Variants in IFI44L observed in about 807,000 individuals in gnomAD.
The protein encoded by IFI44L is interferon induced protein 44 like.
Under a neutral mutation model 39.3 loss-of-function variants are expected in IFI44L, and 40 were observed. The ratio of observed to expected loss-of-function variants is 1.02; its 90% confidence interval spans 0.79 to 1.33. The LOEUF (loss-of-function observed/expected upper bound fraction) is 1.33. Among genes scored for constraint, IFI44L ranks in the 40% most tolerant of loss-of-function variants. The pLI is 0.00. For missense variants in IFI44L, 623 were observed against 549.0 expected (o/e 1.13, Z -1.35); for synonymous variants, 198 against 182.3 (o/e 1.09, Z -0.69).
At chr1:78,641,719 T>C in intron 8 of IFI44L, 56 bp from the exon 9 acceptor site, 3 of 1,610,628 alleles carry the variant, frequency 1.9e-6, no homozygotes, top group Non-Finnish European at 2.5e-6. Context: ...GCCCTAGTCC[T>C]GAAAGCTACA....
intron 6 of IFI44L, among the ~76,000 whole-genome samples, chr1:78,637,955 A>G (rs986364625): frequency 1.3e-5 from 2 of 152,138 alleles, no homozygotes; most frequent in Non-Finnish European, 2.9e-5. Context: ...ACATCTCCAG[A>G]AATGTAATGC....
In IFI44L at chr1:78,635,000, A is replaced by G. The variant is rs613159; in HGVS notation, c.724-337A>G. Among the ~76,000 whole-genome samples, 562 of 117,902 alleles carry G rather than the reference A, an allele frequency of 4.8e-3. 3 individuals carry two copies. The highest frequency in any genetic ancestry group is 0.022 in the South Asian group (73 of 3,298). 77.3% of individuals were successfully genotyped at this position (117,902 alleles called of 152,430 possible). A position where few individuals can be genotyped will look rare whatever the true frequency, so the allele number is the denominator to read the frequency against. On this transcript the variant is annotated intron_variant, in intron 4 of 8. Transcript: ENST00000370751. Reference sequence around the variant, plus strand: ...AAAACATACCATTATATATATATATATGTGTGTGTGTGTGTGTGTGTATGT... The same window carrying G: ...AAAACATACCATTATATATATATATGTGTGTGTGTGTGTGTGTGTGTATGT...
chr1:78,635,865 T>C lies in IFI44L; in HGVS notation c.876+376T>C. On this transcript the variant is annotated intron_variant, in intron 5 of 8. Transcript: ENST00000370751. ...TATTTTGTGTTGAAATGTCATTTTATACTGTAAATGCTTAGATTTCACCAC... is the reference window on the plus strand; with the variant it reads ...TATTTTGTGTTGAAATGTCATTTTACACTGTAAATGCTTAGATTTCACCAC... 2 of 210,920 alleles carry C rather than the reference T, an allele frequency of 9.5e-6. 1 individual carries two copies. Among genetic ancestry groups the C allele is most frequent in the South Asian group, 1.5e-4 (2 of 13,354 alleles). The allele number at this position is 210,920 out of a possible 1,614,324, so 13.1% of individuals were successfully genotyped here.
At chr1:78,636,226 T>C (rs540301211) in intron 5 of IFI44L, among the ~76,000 whole-genome samples, 10 of 152,196 alleles carry the variant, frequency 6.6e-5, no homozygotes, top group African/African-American at 2.4e-4. Context: ...ACCATATTTG[T>C]GCCAAACTCT....
At chr1:78,636,908 G>T in intron 5 of IFI44L, 124 bp from the exon 6 acceptor site, 1 of 679,972 alleles carries the variant, frequency 1.5e-6, no homozygotes, top group East Asian at 2.9e-5. Flanking sequence ...TACTGTTTGG[G>T]GAAAGAGTAG....
chr1:78,624,529 C>G (rs1254129778), intron 1 of IFI44L, among the ~76,000 whole-genome samples: 1 of 152,148 alleles, frequency 6.6e-6, no homozygotes, highest in Non-Finnish European at 1.5e-5. Flanking sequence ...CTATAATACA[C>G]TTGAGAAGAA....
intron 4 of IFI44L, chr1:78,630,122 T>C (rs1238393686): frequency 1.9e-5 from 10 of 519,708 alleles, no homozygotes; most frequent in Non-Finnish European, 3.5e-5. Context: ...GAAGCAGTTA[T>C]ATAAAGAATA....
Position 78,643,162 on chromosome 1 carries a change from T to TTTTTTTTTTTTTTTTTTTTGAGACGGA in IFI44L, c.*1353_*1354insTTTTTTTTTTTTTTTTTTTGAGACGGA, listed in dbSNP as rs1359225810. The stretch of plus-strand genomic sequence containing the variant: ...ATATTAAGAAAGCAAGAGTTTCTTA[T>TTTTTTTTTTTTTTTTTTTTGAGACGGA]GTCCAGTTATGGAATATTTCCTAAA... On this transcript the variant is annotated 3_prime_UTR_variant, in exon 9 of 9. Transcript: ENST00000370751. 1 of 151,832 alleles carries TTTTTTTTTTTTTTTTTTTTGAGACGGA rather than the reference T, an allele frequency of 6.6e-6. No individual in the cohort carries two copies. The highest frequency in any genetic ancestry group is 1.5e-5 in the Non-Finnish European group (1 of 67,968). 9.4% of individuals were successfully genotyped at this position (151,832 alleles called of 1,614,324 possible).
chr1:78,629,553 A>G lies in IFI44L; in HGVS notation c.528-167A>G, dbSNP rs188982640. The G allele has an allele frequency of 6.1e-4, 294 of 483,694 alleles. 2 individuals carry two copies. Among genetic ancestry groups the G allele is most frequent in the African/African-American group, 5.3e-3 (270 of 50,520 alleles). The allele number at this position is 483,694 out of a possible 1,614,324, so 30.0% of individuals were successfully genotyped here. On this transcript the variant is annotated intron_variant, in intron 3 of 8. Transcript: ENST00000370751. ...TTAAGCACAAAATGTATAACTTTAG[A>G]TATTTCAAATCATATTATAGAAGAT... is the stretch of plus-strand genomic sequence containing the variant.
At chr1:78,626,968 C>A (rs1652513234) in intron 1 of IFI44L, 1 of 151,950 alleles carries the variant, frequency 6.6e-6, no homozygotes, top group Admixed American at 6.6e-5. Context: ...TCTTTAGAAT[C>A]CCAAACTGTA....
chr1:78,630,023 T>A, intron 4 of IFI44L, 108 bp downstream of exon 4: 1 of 1,060,426 alleles, frequency 9.4e-7, no homozygotes, highest in Non-Finnish European at 1.4e-6. Context: ...AAATGCTAAA[T>A]CAAATGGAAA....
At chr1:78,630,521 T>G (rs930354350) in intron 4 of IFI44L, among the ~76,000 whole-genome samples, 1 of 152,174 alleles carries the variant, frequency 6.6e-6, no homozygotes, top group African/African-American at 2.4e-5. Flanking sequence ...AATTCTTTCT[T>G]GTTTATGCTT....
rs563250739 is a variant in IFI44L at position 78,641,145 on chromosome 1, G to C, written c.1149+24G>C. ...GGGTAAAAAATGCTGATCATAACCA[G>C]ATATTATTGTAATAGTATCACAATC... On this transcript the variant is annotated intron_variant, in intron 7 of 8. Coordinates refer to ENST00000370751, the MANE Select transcript of IFI44L (RefSeq NM_006820.4). 4.1e-6 allele frequency: 6 copies of C among 1,454,202 alleles called. No homozygotes were observed. The Admixed American group carries it at 5.0e-5, about 12-fold the overall frequency. 90.1% of individuals were successfully genotyped at this position (1,454,202 alleles called of 1,614,324 possible).
chr1:78,641,028 A>ATATG lies in IFI44L; in HGVS notation c.1058_1061dup (p.Ala355CysfsTer6). 6.2e-7 allele frequency: 1 copy of ATATG among 1,606,342 alleles called. No individual in the cohort carries two copies. On this transcript the variant is annotated frameshift_variant, in exon 7 of 9. Transcript: ENST00000370751. LOFTEE classifies it high-confidence loss of function. The stretch of plus-strand genomic sequence containing the variant: ...TTTATCTATTTGATATAGGTATAGC[A>ATATG]TATGTGGCCTTGCTTACTAAAGTGG...
Position 78,643,646 on chromosome 1 carries a change from GTTGTTGTT to G in IFI44L, c.*1840_*1847del. 1.1e-5 allele frequency: 1 copy of G among 92,156 alleles called. No homozygotes were observed. Among genetic ancestry groups the G allele is most frequent in the East Asian group, 4.0e-4 (1 of 2,524 alleles). 5.7% of individuals were successfully genotyped at this position (92,156 alleles called of 1,614,324 possible). A position where few individuals can be genotyped will look rare whatever the true frequency, so the allele number is the denominator to read the frequency against. On this transcript the variant is annotated 3_prime_UTR_variant, in exon 9 of 9. Coordinates refer to ENST00000370751, the MANE Select transcript of IFI44L (RefSeq NM_006820.4). ...TTTTTGTTTGTTTTGTTTTTTTTTT[GTTGTTGTT>G]TTTTTTTTTTTTTGTTTTTTTGCTG...
At position 78,641,520 on chromosome 1, in the gene IFI44L, C is replaced by G. The variant is rs1646983699; in HGVS notation, c.1235C>G (p.Pro412Arg). 2 of 1,613,612 alleles carry G rather than the reference C, an allele frequency of 1.2e-6. No individual in the cohort carries two copies. The highest frequency in any genetic ancestry group is 1.7e-6 in the Non-Finnish European group (2 of 1,179,696). ...GNYASDLELD[P>R]MKDILILSAL... Reference sequence around the variant, plus strand: ...TATGCTTCAGATTTGGAACTGGACCCCATGAAGGATATTCTCATCCTCTCT... The same window carrying G: ...TATGCTTCAGATTTGGAACTGGACCGCATGAAGGATATTCTCATCCTCTCT... The change falls in exon 8 of 9, where the codon CCC (proline) becomes CGC (arginine). Residue 412 changes from proline (P) to arginine (R), a missense_variant. By Grantham distance (103) the Pro-to-Arg change is moderately radical. Coordinates refer to ENST00000370751, the MANE Select transcript of IFI44L (RefSeq NM_006820.4).
intron 4 of IFI44L, chr1:78,631,388 G>C (rs1040619991): frequency 6.6e-5 from 10 of 152,054 alleles, no homozygotes; most frequent in Admixed American, 5.9e-4. Context: ...ATCTTCAGTG[G>C]GATTACGCCT....
At position 78,645,784 on chromosome 1, in the gene IFI44L, C is replaced by A. The variant is rs1279526946; in HGVS notation, c.*3975C>A. On this transcript the variant is annotated 3_prime_UTR_variant, in exon 9 of 9. Transcript: ENST00000370751. Reference sequence around the variant, plus strand: ...TCAATGTAAGGAGGATAAAAACTTGCATACCAATTGTACACCCTTGCAAAA... The same window carrying A: ...TCAATGTAAGGAGGATAAAAACTTGAATACCAATTGTACACCCTTGCAAAA... The A allele has an allele frequency of 6.6e-6, 1 of 152,158 alleles. No individual in the cohort carries two copies. Among genetic ancestry groups the A allele is most frequent in the East Asian group, 1.9e-4 (1 of 5,192 alleles). The allele number at this position is 152,158 out of a possible 1,614,324, so 9.4% of individuals were successfully genotyped here.
intron 6 of IFI44L, among the ~76,000 whole-genome samples, chr1:78,637,412 A>AT (rs951648510): frequency 2.0e-5 from 3 of 149,902 alleles, no homozygotes; most frequent in African/African-American, 4.9e-5. Flanking sequence ...CTGGCCAACC[A>AT]TTTTTTTTTC....
Sources: allele counts gnomAD v4.1 joint callset (sites outside exome capture counted in the v4.1 genomes callset), GRCh38; gene constraint gnomAD v4.1.1; transcripts MANE v1.5; gene names NCBI Gene and HGNC (gene_info 2026-07-23, HGNC 2026-07-21).